The following ZBTB7C variants were observed in gnomAD, a reference collection of about 807,000 sequenced individuals.
ZBTB7C encodes zinc finger and BTB domain-containing protein 7C.
ZBTB7C carries 8 observed loss-of-function variants against 25.7 expected under a neutral mutation model. The ratio of observed to expected loss-of-function variants is 0.31; its 90% CI spans 0.18 to 0.56. The LOEUF (loss-of-function observed/expected upper bound fraction) is 0.56, where lower values mean the gene tolerates loss of function less well. ZBTB7C is among the 20% of genes least tolerant of loss of function. ZBTB7C has a pLI of 0.91. For synonymous variants in ZBTB7C, 394 were observed against 369.0 expected, an observed-to-expected ratio of 1.07 and a Z score of -0.78; for missense variants, 824 against 855.2, an observed-to-expected ratio of 0.96 and a Z score of 0.46.
At position 48,075,353 on chromosome 18, in the gene ZBTB7C, A is replaced by G. The variant is rs867088098; in HGVS notation, c.-16-34230T>C. Among the ~76,000 whole-genome samples the G allele has an allele frequency of 4.6e-5, 7 of 152,284 alleles. No homozygotes were observed. In the South Asian group the frequency reaches 1.5e-3, roughly 32 times the overall value. ...CAGATCTGCTCATTCTTATCCAAAG[A>G]GGCTGGTGATGCGACAAAGGGCTTC... On this transcript the variant is annotated intron_variant, in intron 3 of 4. Coordinates refer to ENST00000590800, the MANE Select transcript of ZBTB7C (RefSeq NM_001318841.2).
At chr18:48,369,942 C>T (rs888776816) in intron 1 of ZBTB7C, among the ~76,000 whole-genome samples, 14 of 152,226 alleles carry the variant, frequency 9.2e-5, no homozygotes, top group Admixed American at 9.2e-4. Context: ...GCAGAATATG[C>T]ATTATTCTCA....
At chr18:48,131,587 A>G (rs118126984) in intron 3 of ZBTB7C, among the ~76,000 whole-genome samples, 1 of 152,328 alleles carries the variant, frequency 6.6e-6, no homozygotes, top group Non-Finnish European at 1.5e-5. Flanking sequence ...TCCCATAGGC[A>G]TAAAACTGGG....
intron 1 of ZBTB7C, among the ~76,000 whole-genome samples, chr18:48,398,705 C>G (rs768407175): frequency 6.6e-6 from 1 of 152,158 alleles, no homozygotes; most frequent in Non-Finnish European, 1.5e-5. Flanking sequence ...GAGCACCATC[C>G]CTCATGCCCT....
chr18:48,096,322 CT>C (rs2038631653), intron 3 of ZBTB7C, among the ~76,000 whole-genome samples: 1 of 152,112 alleles, frequency 6.6e-6, no homozygotes, highest in African/African-American at 2.4e-5. Context: ...TGAGCTGTGA[CT>C]TTTTATGAAA....
At chr18:48,113,365 T>C (rs73956498) in intron 3 of ZBTB7C, among the ~76,000 whole-genome samples, 6,079 of 152,310 alleles carry the variant, frequency 0.04, 404 homozygotes, top group African/African-American at 0.13. Context: ...TCATGGTTAG[T>C]TACTGGGAAA....
chr18:48,282,301 G>C (rs1412597265), intron 2 of ZBTB7C, among the ~76,000 whole-genome samples: 1 of 125,242 alleles, frequency 8.0e-6, no homozygotes, highest in African/African-American at 3.1e-5. Flanking sequence ...TCACACTCTG[G>C]GGCCTGTTGT....
chr18:48,285,285 T>C (rs940641933), intron 2 of ZBTB7C, among the ~76,000 whole-genome samples: 1 of 152,248 alleles, frequency 6.6e-6, no homozygotes, highest in African/African-American at 2.4e-5. Flanking sequence ...TTCAATTCTT[T>C]CAATTTCTGC....
intron 3 of ZBTB7C, among the ~76,000 whole-genome samples, chr18:48,061,131 TTA>T (rs2037111491): frequency 6.6e-6 from 1 of 152,060 alleles, no homozygotes; most frequent in South Asian, 2.1e-4. Context: ...TACAGATCAT[TTA>T]TAGAGCTTTA....
intron 2 of ZBTB7C, among the ~76,000 whole-genome samples, chr18:48,228,258 C>T (rs573612536): frequency 1.3e-5 from 2 of 152,274 alleles, no homozygotes; most frequent in South Asian, 2.1e-4. Context: ...TTCACCTGTG[C>T]GGGCCTCAGT....
intron 2 of ZBTB7C, among the ~76,000 whole-genome samples, chr18:48,189,857 T>C (rs1482557651): frequency 6.6e-6 from 1 of 152,156 alleles, no homozygotes; most frequent in Admixed American, 6.5e-5. Flanking sequence ...GAGGGCATCA[T>C]CCAAGCTCTG....
intron 3 of ZBTB7C, among the ~76,000 whole-genome samples, chr18:48,103,631 C>T (rs1182758620): frequency 6.6e-6 from 1 of 152,168 alleles, no homozygotes; most frequent in African/African-American, 2.4e-5. Context: ...AAAACCTGTG[C>T]ACAAATGTTT....
intron 3 of ZBTB7C, among the ~76,000 whole-genome samples, chr18:48,107,547 G>A (rs951706317): frequency 8.5e-5 from 13 of 152,062 alleles, no homozygotes; most frequent in African/African-American, 3.1e-4. Flanking sequence ...AGCCTGGAGG[G>A]AAAAGGAACC....
chr18:48,143,396 C>T (rs2040408329), intron 3 of ZBTB7C, among the ~76,000 whole-genome samples: 1 of 152,160 alleles, frequency 6.6e-6, no homozygotes, highest in African/African-American at 2.4e-5. Context: ...CATTTATGCA[C>T]AGAAAACTAA....
At chr18:48,373,004 G>A (rs982400138) in intron 1 of ZBTB7C, among the ~76,000 whole-genome samples, 21 of 152,154 alleles carry the variant, frequency 1.4e-4, no homozygotes, top group African/African-American at 4.1e-4. Flanking sequence ...CCTTCACACT[G>A]CATTGTGGCT....
At chr18:48,244,497 A>G (rs1353406704) in intron 2 of ZBTB7C, among the ~76,000 whole-genome samples, 2 of 152,202 alleles carry the variant, frequency 1.3e-5, no homozygotes, top group African/African-American at 2.4e-5. Flanking sequence ...CAGAAGAGTA[A>G]ACAGACAACC....
intron 3 of ZBTB7C, among the ~76,000 whole-genome samples, chr18:48,178,312 A>G (rs2041754907): frequency 6.6e-6 from 1 of 152,140 alleles, no homozygotes; most frequent in Admixed American, 6.5e-5. Context: ...AGGGCATCTC[A>G]GGGAGGGCAT....
chr18:48,043,206 C>T (rs59730126), intron 3 of ZBTB7C, among the ~76,000 whole-genome samples: 41,644 of 151,958 alleles, frequency 0.27, 6,268 homozygotes, highest in African/African-American at 0.4. Context: ...AATATGCAAC[C>T]GCCATATGAC....
intron 1 of ZBTB7C, among the ~76,000 whole-genome samples, chr18:48,386,916 C>G (rs2047761830): frequency 6.6e-6 from 1 of 152,204 alleles, no homozygotes; most frequent in Non-Finnish European, 1.5e-5. Context: ...CTCCCAGATG[C>G]CCAGCATGCA....
At chr18:48,072,796 C>A (rs887430344) in intron 3 of ZBTB7C, among the ~76,000 whole-genome samples, 2 of 152,192 alleles carry the variant, frequency 1.3e-5, no homozygotes, top group African/African-American at 2.4e-5. Context: ...AGGAGGCAGC[C>A]GGCACTGCTG....
Sources: allele counts gnomAD v4.1 joint callset (sites outside exome capture counted in the v4.1 genomes callset), GRCh38; gene constraint gnomAD v4.1.1; transcripts MANE v1.5; gene names NCBI Gene and HGNC (gene_info 2026-07-23, HGNC 2026-07-21).